Variants in SERPINA10 observed in about 807,000 individuals in gnomAD.
The protein encoded by SERPINA10 is serpin family A member 10.
In SERPINA10, 24 loss-of-function variants were observed where a neutral mutation model predicts 28.0. The observed-to-expected ratio is 0.86, with a 90% CI of 0.62 to 1.20. The LOEUF (loss-of-function observed/expected upper bound fraction) is 1.20. Ranked by LOEUF, SERPINA10 falls within the 50% of genes most tolerant of loss-of-function variation. The pLI is 0.00. For missense variants in SERPINA10, 521 were observed against 537.7 expected, an observed-to-expected ratio of 0.97 and a Z score of 0.31; for synonymous variants, 207 against 203.9, an observed-to-expected ratio of 1.02 and a Z score of -0.13.
Position 94,282,172 on chromosome 14 carries a change from A to T in SERPINA10, c.*1793T>A, listed in dbSNP as rs1475200858. On this transcript the variant is annotated 3_prime_UTR_variant, in exon 5 of 5. Coordinates refer to ENST00000261994, the MANE Select transcript of SERPINA10 (RefSeq NM_001100607.3). ...CAGTCCAGGTTATGGAATGATGAAA[A>T]GTCAGTATTTAGACTGCATATTAAT... 6.6e-6 allele frequency: 1 copy of T among 152,044 alleles called. No homozygotes were observed. Among genetic ancestry groups the T allele is most frequent in the Non-Finnish European group, 1.5e-5 (1 of 67,890 alleles). The allele number at this position is 152,044 out of a possible 1,614,324, so 9.4% of individuals were successfully genotyped here.
intron 2 of SERPINA10, 99 bp from the exon 3 acceptor site, chr14:94,288,658 T>C (rs962778043): frequency 6.8e-7 from 1 of 1,479,938 alleles, no homozygotes; most frequent in Admixed American, 1.8e-5. Context: ...CTCACTTCTC[T>C]CACTTCTCGT....
rs1284690228 is a variant in SERPINA10, at chr14:94,290,577, C to T, written c.17G>A (p.Ser6Asn). ...TGCCAGGAGGACGGAGAGCAGGAGA[C>T]TTGGCACCACCTTCATGTGATCGGC... is the stretch of plus-strand genomic sequence containing the variant. MKVVPSLLLSVLLAQV... is the reference protein window; with the variant it reads MKVVPNLLLSVLLAQV... Residue 6 changes from serine (S) to asparagine (N), a missense_variant, in exon 2 of 5, where the codon AGT becomes AAT. Coordinates refer to ENST00000261994, the MANE Select transcript of SERPINA10 (RefSeq NM_001100607.3). 1 of 1,613,572 alleles carries T rather than the reference C, an allele frequency of 6.2e-7. No individual in the cohort carries two copies. The highest frequency in any genetic ancestry group is 8.5e-7 in the Non-Finnish European group (1 of 1,179,938).
intron 3 of SERPINA10, among the ~76,000 whole-genome samples, chr14:94,287,047 A>G (rs938668585): frequency 1.6e-4 from 24 of 152,144 alleles, no homozygotes; most frequent in African/African-American, 5.5e-4. Context: ...TTGTACTCCA[A>G]TAGGTGGATT....
chr14:94,287,979 A>C (rs7151717), intron 3 of SERPINA10, among the ~76,000 whole-genome samples: 17,836 of 152,082 alleles, frequency 0.12, 1,261 homozygotes, highest in African/African-American at 0.19. Flanking sequence ...TCTTCCTTCA[A>C]TAGAATGTAA....
rs1895152170 is a variant in SERPINA10 at position 94,290,641 on chromosome 14, T to G, written c.-48A>C. 1 of 1,607,098 alleles carries G rather than the reference T, an allele frequency of 6.2e-7. No individual in the cohort carries two copies. Reference sequence around the variant, plus strand: ...GAGTGCCTCCCTTCAGCTGCAAGACTTCCTGTGGAGAGGAGAGGATAGAGA... The same window carrying G: ...GAGTGCCTCCCTTCAGCTGCAAGACGTCCTGTGGAGAGGAGAGGATAGAGA... On this transcript the variant is annotated splice_region_variant and 5_prime_UTR_variant, in exon 2 of 5. Transcript: ENST00000261994.
chr14:94,284,891 C>A (rs893430869), intron 4 of SERPINA10, among the ~76,000 whole-genome samples: 2 of 152,154 alleles, frequency 1.3e-5, no homozygotes, highest in Admixed American at 6.5e-5. Context: ...AATATTTAAT[C>A]ATTTACAGTT....
At chr14:94,289,770 C>T (rs1356753653) in intron 2 of SERPINA10, 106 bp downstream of exon 2, 6 of 1,243,818 alleles carry the variant, frequency 4.8e-6, no homozygotes, top group Non-Finnish European at 7.0e-6. Flanking sequence ...AAAACACATT[C>T]ATAGAAAATC....
In SERPINA10 at chr14:94,285,998, A is replaced by G. The variant is rs1895013803; in HGVS notation, c.1143+110T>C. The G allele has an allele frequency of 2.2e-6, 3 of 1,362,164 alleles. No homozygotes were observed. The African/African-American group carries it at 4.3e-5, about 20-fold the overall frequency. 84.4% of individuals were successfully genotyped at this position (1,362,164 alleles called of 1,614,324 possible). On this transcript the variant is annotated intron_variant, in intron 4 of 4. Coordinates refer to ENST00000261994, the MANE Select transcript of SERPINA10 (RefSeq NM_001100607.3). ...TTTCAAGTATTTGGGACTTAAATCT[A>G]ATTTTCCACTACAATTAGGTATTTT... is the stretch of plus-strand genomic sequence containing the variant.
intron 3 of SERPINA10, among the ~76,000 whole-genome samples, chr14:94,287,990 G>A (rs1258538997): frequency 6.6e-6 from 1 of 152,146 alleles, no homozygotes; most frequent in Non-Finnish European, 1.5e-5. Flanking sequence ...TAGAATGTAA[G>A]CTGCATGAGG....
At chr14:94,292,634 C>T (rs1895207563) in intron 1 of SERPINA10, 2 of 701,844 alleles carry the variant, frequency 2.8e-6, no homozygotes, top group South Asian at 3.0e-5. Context: ...GCTTGTCCTG[C>T]AGTCTGCAGT....
intron 4 of SERPINA10, among the ~76,000 whole-genome samples, chr14:94,285,784 A>G (rs1895009310): frequency 6.6e-6 from 1 of 152,002 alleles, no homozygotes; most frequent in African/African-American, 2.4e-5. Context: ...AAGGTGGTGT[A>G]ATTTCATGAA....
Position 94,282,951 on chromosome 14 carries a change from A to G in SERPINA10, c.*1014T>C, listed in dbSNP as rs1352327793. ...AAGGTATTGAACTAGATGATCTGTG[A>G]TTCAGCCAATGCCTCTGCCAAGCGA... On this transcript the variant is annotated 3_prime_UTR_variant, in exon 5 of 5. Transcript: ENST00000261994. 1 of 151,736 alleles carries G rather than the reference A, an allele frequency of 6.6e-6. No individual in the cohort carries two copies. The highest frequency in any genetic ancestry group is 1.9e-4 in the East Asian group (1 of 5,184). The allele number at this position is 151,736 out of a possible 1,614,324, so 9.4% of individuals were successfully genotyped here. A position where few individuals can be genotyped will look rare whatever the true frequency, so the allele number is the denominator to read the frequency against.
intron 2 of SERPINA10, among the ~76,000 whole-genome samples, chr14:94,289,448 C>G (rs1486935460): frequency 6.6e-6 from 1 of 152,218 alleles, no homozygotes; most frequent in Admixed American, 6.5e-5. Flanking sequence ...GGGCACTTTA[C>G]ATTCATTGTC....
rs1895016378 is a variant in SERPINA10, at chr14:94,286,108, C to G, written c.1143G>C (p.Arg381Ser). 3.1e-6 allele frequency: 5 copies of G among 1,613,998 alleles called. No individual in the cohort carries two copies. Among genetic ancestry groups the G allele is most frequent in the Non-Finnish European group, 4.2e-6 (5 of 1,179,980 alleles). The change falls in exon 4 of 5, where the codon AGG becomes AGC. Residue 381 changes from arginine (R) to serine (S), a missense_variant and splice_region_variant. Transcript: ENST00000261994. Reference protein sequence around the residue: ...SATGRNLQVSRVLQRTVIEVD... With the variant: ...SATGRNLQVSSVLQRTVIEVD... The stretch of plus-strand genomic sequence containing the variant: ...GCTCTGATGAAAGATCCTGACTTAC[C>G]CTGGATACTTGGAGATTTCTTCCAG...
intron 1 of SERPINA10, among the ~76,000 whole-genome samples, chr14:94,292,038 A>C (rs1309619509): frequency 1.3e-5 from 2 of 152,208 alleles, no homozygotes; most frequent in African/African-American, 4.8e-5. Flanking sequence ...CAGGTCACCC[A>C]AGTATTGTAA....
At chr14:94,291,617 C>T (rs1486192922) in intron 1 of SERPINA10, among the ~76,000 whole-genome samples, 1 of 152,214 alleles carries the variant, frequency 6.6e-6, no homozygotes, top group Non-Finnish European at 1.5e-5. Flanking sequence ...CCTCCCTCAT[C>T]CTCTCTCTGG....
At chr14:94,292,188 G>A (rs995240207) in intron 1 of SERPINA10, among the ~76,000 whole-genome samples, 4 of 152,278 alleles carry the variant, frequency 2.6e-5, no homozygotes, top group Admixed American at 6.5e-5. Context: ...GGGCGCTTGG[G>A]AGGTGATTAG....
intron 3 of SERPINA10, among the ~76,000 whole-genome samples, chr14:94,287,426 A>T (rs562563040): frequency 1.3e-5 from 2 of 152,044 alleles, no homozygotes; most frequent in Non-Finnish European, 2.9e-5. Context: ...TGCACTTCCT[A>T]ATAGATCCAG....
At chr14:94,287,141 G>T (rs1278417257) in intron 3 of SERPINA10, among the ~76,000 whole-genome samples, 2 of 152,096 alleles carry the variant, frequency 1.3e-5, no homozygotes, top group Admixed American at 1.3e-4. Flanking sequence ...CCTGTCATGT[G>T]TCTAGATTCT....
Sources: gnomAD v4.1 joint callset for allele counts (sites outside exome capture counted in the v4.1 genomes callset) on GRCh38, gnomAD v4.1.1 for gene constraint, MANE v1.5 for transcripts, NCBI Gene and HGNC (gene_info 2026-07-23, HGNC 2026-07-21) for gene names.